The following ZCCHC4 variants were observed in gnomAD, a reference collection of about 807,000 sequenced individuals.
ZCCHC4 encodes the protein zinc finger CCHC-type containing 4.
Under a neutral mutation model 67.7 loss-of-function variants are expected in ZCCHC4, and 54 were observed. The ratio of observed to expected loss-of-function variants is 0.80; its 90% CI spans 0.64 to 1.00. The LOEUF (loss-of-function observed/expected upper bound fraction) is 1.00, where lower values mean the gene tolerates loss of function less well. Ranked by LOEUF, ZCCHC4 falls within the 50% of genes least tolerant of loss-of-function variation. The pLI is 0.00. For synonymous variants in ZCCHC4, 198 were observed against 213.5 expected (o/e 0.93, Z 0.63); for missense variants, 609 against 617.0 (o/e 0.99, Z 0.14).
At chr4:25,326,723 C>CA (rs1471288716) in intron 3 of ZCCHC4, among the ~76,000 whole-genome samples, 3 of 152,062 alleles carry the variant, frequency 2.0e-5, no homozygotes, top group South Asian at 2.1e-4. Context: ...TCAGTTTCTA[C>CA]AAAAAATCCT....
chr4:25,351,718 G>T (rs776573644), intron 8 of ZCCHC4, 29 bp downstream of exon 8: 2 of 1,542,816 alleles, frequency 1.3e-6, no homozygotes, highest in Admixed American at 1.8e-5. Flanking sequence ...TTTCTGGCAT[G>T]GTTGGGGAAT....
chr4:25,362,122 A>G (rs1720762805), intron 9 of ZCCHC4, 104 bp from the exon 10 acceptor site: 3 of 1,447,872 alleles, frequency 2.1e-6, no homozygotes, highest in Non-Finnish European at 2.8e-6. Flanking sequence ...ACTTAATTGA[A>G]TTCAGATTGC....
chr4:25,340,841 A>C (rs316783), intron 5 of ZCCHC4, among the ~76,000 whole-genome samples: 126,253 of 152,116 alleles, frequency 0.83, 52,737 homozygotes, highest in African/African-American at 0.92. Context: ...ACAGTTAACC[A>C]TTGAATAACA....
intron 8 of ZCCHC4, chr4:25,352,051 G>T (rs371389663): frequency 1.0e-6 from 1 of 999,772 alleles, no homozygotes. Flanking sequence ...TCATCATTAT[G>T]AACGTTGGTT....
chr4:25,344,215 A>C (rs1719887106), intron 5 of ZCCHC4, among the ~76,000 whole-genome samples: 1 of 152,130 alleles, frequency 6.6e-6, no homozygotes, highest in South Asian at 2.1e-4. Context: ...GTTAATACCC[A>C]AAGGTGGTAC....
chr4:25,316,430 C>T (rs1313304091), intron 3 of ZCCHC4, among the ~76,000 whole-genome samples: 1 of 152,240 alleles, frequency 6.6e-6, no homozygotes, highest in African/African-American at 2.4e-5. Context: ...TTTACATTCC[C>T]ACTAGGAGTG....
intron 2 of ZCCHC4, among the ~76,000 whole-genome samples, chr4:25,314,850 T>G (rs569351710): frequency 3.9e-5 from 6 of 152,138 alleles, no homozygotes; most frequent in African/African-American, 1.4e-4. Context: ...AAAAAACACT[T>G]TTTTTGAACA....
chr4:25,369,091 A>G lies in ZCCHC4; in HGVS notation c.1469A>G (p.Gln490Arg). 6.2e-7 allele frequency: 1 copy of G among 1,614,046 alleles called. No homozygotes were observed. The highest frequency in any genetic ancestry group is 8.5e-7 in the Non-Finnish European group (1 of 1,180,004). Residue 490 changes from glutamine to arginine, a missense_variant, in exon 13 of 13, where the codon CAA (glutamine) becomes CGA (arginine). Transcript: ENST00000302874. ...NKMKMETTKG[Q>R]SMNHTSATRR... ...ATGAAAATGGAGACCACGAAAGGACAATCCATGAATCATACATCTGCTACA... is the reference window on the plus strand; with the variant it reads ...ATGAAAATGGAGACCACGAAAGGACGATCCATGAATCATACATCTGCTACA...
In ZCCHC4 at chr4:25,333,465, C is replaced by T. The variant is rs1719292380; in HGVS notation, c.605+7C>T. On this transcript the variant is annotated splice_region_variant and intron_variant, in intron 4 of 12. Coordinates refer to ENST00000302874, the MANE Select transcript of ZCCHC4 (RefSeq NM_024936.3). ...TGTGTGTTGGAACACCAAGGTATGT[C>T]ATGTGATTTTTTAAAGAATTATCTT... 6.2e-7 allele frequency: 1 copy of T among 1,612,234 alleles called. No individual in the cohort carries two copies. Among genetic ancestry groups the T allele is most frequent in the Non-Finnish European group, 8.5e-7 (1 of 1,178,952 alleles).
intron 3 of ZCCHC4, among the ~76,000 whole-genome samples, chr4:25,318,345 C>T (rs1443088872): frequency 5.7e-5 from 6 of 105,004 alleles, no homozygotes; most frequent in Non-Finnish European, 9.7e-5. Flanking sequence ...TTTTCACTCT[C>T]TCTCTTTTTT....
chr4:25,333,168 T>C lies in ZCCHC4; in HGVS notation c.330-15T>C, dbSNP rs1016578750. ...ACTTAAAATATATTTCTTTGTGTTTTATTTTGTCTTGAAGGTACTTGAAGT... is the reference window on the plus strand; with the variant it reads ...ACTTAAAATATATTTCTTTGTGTTTCATTTTGTCTTGAAGGTACTTGAAGT... On this transcript the variant is annotated splice_polypyrimidine_tract_variant and intron_variant, in intron 3 of 12. Coordinates refer to ENST00000302874, the MANE Select transcript of ZCCHC4 (RefSeq NM_024936.3). The C allele has an allele frequency of 3.1e-6, 5 of 1,597,938 alleles. No homozygotes were observed. The highest frequency in any genetic ancestry group is 4.3e-6 in the Non-Finnish European group (5 of 1,171,170).
At chr4:25,314,558 T>C (rs963896349) in intron 2 of ZCCHC4, among the ~76,000 whole-genome samples, 3 of 151,984 alleles carry the variant, frequency 2.0e-5, no homozygotes, top group Admixed American at 1.3e-4. Context: ...GTGTAGGTCC[T>C]GTCCTCTTCC....
At chr4:25,346,394 G>A (rs965991381) in intron 6 of ZCCHC4, among the ~76,000 whole-genome samples, 5 of 152,046 alleles carry the variant, frequency 3.3e-5, no homozygotes, top group African/African-American at 1.2e-4. Flanking sequence ...AAGTAATCAC[G>A]CTGGCCAAAA....
At position 25,314,293 on chromosome 4, in the gene ZCCHC4, C is replaced by G. The variant is rs769188455; in HGVS notation, c.246+129C>G. The G allele has an allele frequency of 1.8e-5, 11 of 609,140 alleles. 1 individual carries two copies. Among genetic ancestry groups the G allele is most frequent in the Non-Finnish European group, 2.9e-5 (10 of 347,644 alleles). The allele number at this position is 609,140 out of a possible 1,614,324, so 37.7% of individuals were successfully genotyped here. A position where few individuals can be genotyped will look rare whatever the true frequency, so the allele number is the denominator to read the frequency against. On this transcript the variant is annotated intron_variant, in intron 2 of 12. Transcript: ENST00000302874. ...AAATCTCTTAAGAGAGATGGAGATA[C>G]TATGTTTGTTGGTTCAGAAAATGAG...
At chr4:25,313,035 T>G in intron 1 of ZCCHC4, 99 bp downstream of exon 1, 1 of 1,516,104 alleles carries the variant, frequency 6.6e-7, no homozygotes, top group East Asian at 2.3e-5. Flanking sequence ...CCCGCCTCTT[T>G]CCCTCACCAG....
In ZCCHC4 at chr4:25,365,108, G is replaced by A; in HGVS notation, c.1348G>A (p.Glu450Lys). 1 of 1,614,168 alleles carries A rather than the reference G, an allele frequency of 6.2e-7. No homozygotes were observed. The change falls in exon 12 of 13, where the codon GAA (glutamate) becomes AAA (lysine). Residue 450 changes from glutamate to lysine, a missense_variant. Coordinates refer to ENST00000302874, the MANE Select transcript of ZCCHC4 (RefSeq NM_024936.3). The part of the protein sequence containing the change: ...GPKHGCFICG[E>K]LDHKRSTCPN... ...CAAACATGGCTGCTTTATTTGTGGT[G>A]AACTGGATCATAAACGCAGTACTTG...
intron 12 of ZCCHC4, chr4:25,365,876 T>A (rs138185302): frequency 1.0e-6 from 1 of 985,276 alleles, no homozygotes; most frequent in African/African-American, 1.7e-5. Flanking sequence ...ATGATTATAC[T>A]TTTTTCCTAA....
At chr4:25,345,785 G>T (rs1719980168) in intron 6 of ZCCHC4, among the ~76,000 whole-genome samples, 165 bp downstream of exon 6, 2 of 152,152 alleles carry the variant, frequency 1.3e-5, no homozygotes, top group Non-Finnish European at 2.9e-5. Context: ...GCACCTAGAG[G>T]TGATTTTATT....
At chr4:25,340,777 T>G (rs948387426) in intron 5 of ZCCHC4, among the ~76,000 whole-genome samples, 6 of 152,220 alleles carry the variant, frequency 3.9e-5, no homozygotes, top group African/African-American at 1.2e-4. Flanking sequence ...TTTCTGAATT[T>G]TATTTTGTGG....
Sources: allele counts gnomAD v4.1 joint callset (sites outside exome capture counted in the v4.1 genomes callset), GRCh38; gene constraint gnomAD v4.1.1; transcripts MANE v1.5; gene names NCBI Gene and HGNC (gene_info 2026-07-23, HGNC 2026-07-21).